The following C1QTNF12 variants were observed in gnomAD, a reference collection of about 807,000 sequenced individuals.
The protein encoded by C1QTNF12 is C1q and TNF related 12.
A neutral mutation model predicts 34.3 loss-of-function variants in C1QTNF12; 39 were observed. That is an observed-to-expected ratio of 1.14 (90% CI 0.88 to 1.49). The LOEUF is 1.49. Ranked by LOEUF, C1QTNF12 falls within the 40% of genes most tolerant of loss-of-function variation. C1QTNF12 has a pLI of 0.00. For missense variants in C1QTNF12, 497 were observed against 424.7 expected (o/e 1.17, Z -1.50); for synonymous variants, 220 against 196.9 (o/e 1.12, Z -0.98).
At position 1,244,047 on chromosome 1, in the gene C1QTNF12, G is replaced by T. The variant is rs544893581; in HGVS notation, c.438C>A (p.Gly146=). The change falls in exon 4 of 8, where the codon GGC becomes GGA. Residue 146 remains glycine (G), a synonymous_variant. Coordinates refer to ENST00000330388, the MANE Select transcript of C1QTNF12 (RefSeq NM_001014980.3). ...LLDPLLPQGA[G]LRLVGEAFHC... is the part of the protein sequence containing the mutation. ...GAAAGGCCTCGCCCACCAGCCGCAG[G>T]CCCGCCCCCTGGGGCAGCAGCGGGT... 24 of 1,598,356 alleles carry T rather than the reference G, an allele frequency of 1.5e-5. No individual in the cohort carries two copies. Among genetic ancestry groups the T allele is most frequent in the African/African-American group, 6.7e-5 (5 of 74,520 alleles).
intron 4 of C1QTNF12, among the ~76,000 whole-genome samples, 157 bp downstream of exon 4, chr1:1,243,797 C>T (rs1638804946): frequency 6.6e-6 from 1 of 152,150 alleles, no homozygotes; most frequent in African/African-American, 2.4e-5. Context: ...CCCCCAGGGC[C>T]TCCCAACCCT....
chr1:1,242,982 C>T (rs1201146442), intron 6 of C1QTNF12, 69 bp from the exon 7 acceptor site: 18 of 1,568,786 alleles, frequency 1.1e-5, no homozygotes, highest in Admixed American at 3.6e-5. Flanking sequence ...GCTCCAGTGC[C>T]CAGAGACCCC....
Position 1,246,363 on chromosome 1 carries a change from G to T in C1QTNF12, c.177+151C>A. 1.7e-6 allele frequency: 1 copy of T among 603,858 alleles called. No homozygotes were observed. The highest frequency in any genetic ancestry group is 2.4e-6 in the Non-Finnish European group (1 of 416,182). The allele number at this position is 603,858 out of a possible 1,614,324, so 37.4% of individuals were successfully genotyped here. A position where few individuals can be genotyped will look rare whatever the true frequency, so the allele number is the denominator to read the frequency against. On this transcript the variant is annotated intron_variant, in intron 1 of 7. Transcript: ENST00000330388. This position sits in a 1 kb window ranked among gnomAD's most constrained non-coding sequence, Gnocchi z 4.5. ...CAGAGGCCGGCCTGGCTGGGCTGCA[G>T]CAGATTCTCAAGGCGGGACCGTGGC...
chr1:1,243,593 C>T (rs761418609), intron 4 of C1QTNF12, 41 bp from the exon 5 acceptor site: 32 of 1,497,064 alleles, frequency 2.1e-5, no homozygotes, highest in Non-Finnish European at 2.9e-5. Flanking sequence ...CAGGGCCTGG[C>T]CCCCACCCCA....
intron 7 of C1QTNF12, 41 bp from the exon 8 acceptor site, chr1:1,242,687 CAGCCACTCGGT>C: frequency 6.4e-7 from 1 of 1,569,518 alleles, no homozygotes; most frequent in Non-Finnish European, 8.7e-7. Flanking sequence ...AGCCACAGCC[CAGCCACTCGGT>C]GGCCAACGTC....
rs1242189138 is a variant in C1QTNF12, at chr1:1,246,563, T to C, written c.128A>G (p.Asn43Ser). Residue 43 changes from asparagine to serine, a missense_variant, in exon 1 of 8, where the codon AAC becomes AGC. By Grantham distance (46) the Asn-to-Ser change is conservative. Coordinates refer to ENST00000330388, the MANE Select transcript of C1QTNF12 (RefSeq NM_001014980.3). The surrounding 1 kb of genome is among the most constrained non-coding windows in gnomAD (Gnocchi z 4.5). ...GCGGGAGGACGCGCTGGCGGTGGCG[T>C]TGGGGGGATCTGCGCGCTGGCCAGG... ...QQPGQRADPPNATASASSREG... is the reference protein window; with the variant it reads ...QQPGQRADPPSATASASSREG... 12 of 1,244,584 alleles carry C rather than the reference T, an allele frequency of 9.6e-6. No individual in the cohort carries two copies. Among genetic ancestry groups the C allele is most frequent in the South Asian group, 3.4e-5 (1 of 29,152 alleles). 77.1% of individuals were successfully genotyped at this position (1,244,584 alleles called of 1,614,324 possible). A position where few individuals can be genotyped will look rare whatever the true frequency, so the allele number is the denominator to read the frequency against.
At position 1,243,059 on chromosome 1, in the gene C1QTNF12, C is replaced by A; in HGVS notation, c.731+3G>T. On this transcript the variant is annotated splice_donor_region_variant and intron_variant, in intron 6 of 7. Transcript: ENST00000330388. ...GCCTGGAGCGGGGGCTGAGGTCACT[C>A]ACGTGTGGCGCTGGCACAGGGACTC... 2 of 1,577,688 alleles carry A rather than the reference C, an allele frequency of 1.3e-6. No homozygotes were observed. The highest frequency in any genetic ancestry group is 1.7e-6 in the Non-Finnish European group (2 of 1,162,620).
Position 1,244,032 on chromosome 1 carries a change from GCCCACCAGCCGCAGGCCCGCC to G in C1QTNF12, c.432_452del (p.Ala145_Gly151del), listed in dbSNP as rs2101005526. On this transcript the variant is annotated inframe_deletion, in exon 4 of 8. Coordinates refer to ENST00000330388, the MANE Select transcript of C1QTNF12 (RefSeq NM_001014980.3). ...CCTGCAGCCGGCAGTGAAAGGCCTC[GCCCACCAGCCGCAGGCCCGCC>G]CCCTGGGGCAGCAGCGGGTCCAGAA... 2 of 1,593,966 alleles carry G rather than the reference GCCCACCAGCCGCAGGCCCGCC, an allele frequency of 1.3e-6. No homozygotes were observed. The highest frequency in any genetic ancestry group is 1.1e-5 in the South Asian group (1 of 88,934).
At chr1:1,245,749 C>T (rs1638877634) in intron 1 of C1QTNF12, among the ~76,000 whole-genome samples, 1 of 152,224 alleles carries the variant, frequency 6.6e-6, no homozygotes, top group Non-Finnish European at 1.5e-5. Context: ...AGCGGGGCCG[C>T]GTGGGCTGAG....
rs572117763 is a variant in C1QTNF12 at position 1,243,361 on chromosome 1, C to T, written c.640+83G>A. 39 of 1,335,340 alleles carry T rather than the reference C, an allele frequency of 2.9e-5. No individual in the cohort carries two copies. The South Asian group carries it at 4.5e-4, about 15-fold the overall frequency. 82.7% of individuals were successfully genotyped at this position (1,335,340 alleles called of 1,614,324 possible). Reference sequence around the variant, plus strand: ...GGATAGGTCCCTAACAGGACCCGCACCCGGGGCCGGCGATGCCAGGCGCCC... The same window carrying T: ...GGATAGGTCCCTAACAGGACCCGCATCCGGGGCCGGCGATGCCAGGCGCCC... On this transcript the variant is annotated intron_variant, in intron 5 of 7. Transcript: ENST00000330388.
At chr1:1,244,535 A>G in intron 1 of C1QTNF12, 38 bp from the exon 2 acceptor site, 1 of 1,472,104 alleles carries the variant, frequency 6.8e-7, no homozygotes, top group Non-Finnish European at 9.5e-7. Flanking sequence ...CTGAGGCTGC[A>G]CCCTGCAGAG....
In C1QTNF12 at chr1:1,244,424, T is replaced by A. The variant is rs773220882; in HGVS notation, c.251A>T (p.Asp84Val). 2 of 1,611,836 alleles carry A rather than the reference T, an allele frequency of 1.2e-6. No individual in the cohort carries two copies. The highest frequency in any genetic ancestry group is 1.7e-6 in the Non-Finnish European group (2 of 1,179,496). Reference protein sequence around the residue: ...TWLNFVRRPDDGALRKRCGSR... With the variant: ...TWLNFVRRPDVGALRKRCGSR... ...TCCGCACCGCTTCCTTAAGGCGCCG[T>A]CGTCCGGCCGCCGGACAAAGTTCAG... The change falls in exon 2 of 8, where the codon GAC becomes GTC. Residue 84 changes from aspartate (D) to valine (V), a missense_variant. By Grantham distance (152) the Asp-to-Val change is radical. Transcript: ENST00000330388.
chr1:1,242,696 G>A (rs200683447), intron 7 of C1QTNF12, 50 bp from the exon 8 acceptor site: 74 of 1,559,230 alleles, frequency 4.7e-5, no homozygotes, highest in East Asian at 3.5e-4. Context: ...CCAGCCACTC[G>A]GTGGCCAACG....
rs554266491 is a variant in C1QTNF12 at position 1,245,392 on chromosome 1, G to A, written c.178-895C>T. On this transcript the variant is annotated intron_variant, in intron 1 of 7. Transcript: ENST00000330388. ...GGGGCCTGTACCTCAGCCTATCTGG[G>A]GGCTGAGAGCCAGAGGCAACAGAGA... Among the ~76,000 whole-genome samples the A allele has an allele frequency of 4.2e-4, 61 of 146,590 alleles. 1 individual carries two copies. In the South Asian group the frequency reaches 5.0e-3, roughly 12 times the overall value.
In C1QTNF12 at chr1:1,244,337, C is replaced by G. The variant is rs750291556; in HGVS notation, c.294+44G>C. On this transcript the variant is annotated intron_variant, in intron 2 of 7. Coordinates refer to ENST00000330388, the MANE Select transcript of C1QTNF12 (RefSeq NM_001014980.3). ...GACCCGGTGGGAGCTACCACCACAC[C>G]CTGTCCGGGGCTCAGACCCTGCAGC... 3.1e-5 allele frequency: 50 copies of G among 1,597,940 alleles called. No individual in the cohort carries two copies. The East Asian group carries it at 7.6e-4, about 24-fold the overall frequency.
Position 1,243,942 on chromosome 1 carries a change from G to A in C1QTNF12, c.531+12C>T, listed in dbSNP as rs775250367. On this transcript the variant is annotated intron_variant, in intron 4 of 7. Transcript: ENST00000330388. ...ACCCAACACCCCGCTCTAAGCTCCC[G>A]GCTCCACTCACAGCCTGGAAACCAT... 6.2e-6 allele frequency: 10 copies of A among 1,601,202 alleles called. No homozygotes were observed. The highest frequency in any genetic ancestry group is 4.5e-5 in the East Asian group (2 of 44,062).
rs1638895044 is a variant in C1QTNF12, at chr1:1,246,513, C to T, written c.177+1G>A. ...GGCCCACGTGCGTCCCGGCCGCGTA[C>T]CTTGGGGGCCTCGGGCAGCCCCTCG... On this transcript the variant is annotated splice_donor_variant, in intron 1 of 7. Transcript: ENST00000330388. LOFTEE classifies it high-confidence loss of function. This position sits in a 1 kb window ranked among gnomAD's most constrained non-coding sequence, Gnocchi z 4.5. 1 of 1,232,764 alleles carries T rather than the reference C, an allele frequency of 8.1e-7. No homozygotes were observed. The highest frequency in any genetic ancestry group is 3.2e-5 in the East Asian group (1 of 31,622). 76.4% of individuals were successfully genotyped at this position (1,232,764 alleles called of 1,614,324 possible).
upstream of C1QTNF12, among the ~76,000 whole-genome samples, chr1:1,247,205 C>A (rs555736840): frequency 2.7e-4 from 41 of 152,254 alleles, no homozygotes; most frequent in African/African-American, 9.6e-4. Flanking sequence ...CAACCTGGCT[C>A]CCCTCACAGC....
At chr1:1,245,794 G>T (rs888446598) in intron 1 of C1QTNF12, among the ~76,000 whole-genome samples, 1 of 152,162 alleles carries the variant, frequency 6.6e-6, no homozygotes, top group Non-Finnish European at 1.5e-5. Context: ...AGACGCCCTC[G>T]GGAGGAGGGA....
Sources: allele counts gnomAD v4.1 joint callset (sites outside exome capture counted in the v4.1 genomes callset), GRCh38; gene constraint gnomAD v4.1.1; non-coding constraint Gnocchi (gnomAD v3.1); transcripts MANE v1.5; gene names NCBI Gene and HGNC (gene_info 2026-07-23, HGNC 2026-07-21).